GRIN3A: variants seen among roughly 807,000 people sequenced by gnomAD.
GRIN3A encodes the protein glutamate ionotropic receptor NMDA type subunit 3A.
In GRIN3A, 47 loss-of-function variants were observed where a neutral mutation model predicts 92.4. That is an observed-to-expected ratio of 0.51 (90% confidence interval 0.40 to 0.65). The LOEUF is 0.65. Among genes scored for constraint, GRIN3A ranks in the 30% least tolerant of loss-of-function variants. GRIN3A has a pLI of 0.00. For missense variants in GRIN3A, 1,324 were observed against 1,393.1 expected (o/e 0.95, Z 0.79); for synonymous variants, 527 against 540.6 (o/e 0.97, Z 0.35).
At chr9:101,724,458 G>A (rs1418134966) in intron 1 of GRIN3A, among the ~76,000 whole-genome samples, 3 of 152,222 alleles carry the variant, frequency 2.0e-5, no homozygotes, top group South Asian at 2.1e-4. Context: ...GCTGACCTGC[G>A]CGCGCAGCCC....
At chr9:101,673,188 C>T (rs11790837) in intron 2 of GRIN3A, among the ~76,000 whole-genome samples, 1 of 151,798 alleles carries the variant, frequency 6.6e-6, no homozygotes, top group Non-Finnish European at 1.5e-5. Flanking sequence ...TGAGAGAGTA[C>T]CTTTGACCAA....
chr9:101,644,418 T>C (rs1006334479), intron 3 of GRIN3A, among the ~76,000 whole-genome samples: 3 of 139,542 alleles, frequency 2.1e-5, no homozygotes, highest in African/African-American at 5.3e-5. Flanking sequence ...AAAGGTGGGA[T>C]CAGAACTTAG....
chr9:101,626,042 C>T (rs556952173), intron 4 of GRIN3A, among the ~76,000 whole-genome samples: 54 of 152,286 alleles, frequency 3.5e-4, no homozygotes, highest in African/African-American at 1.2e-3. Flanking sequence ...AAGCAGTCAG[C>T]TCTCAGACTC....
chr9:101,724,278 C>G (rs1830055022), intron 1 of GRIN3A, among the ~76,000 whole-genome samples: 2 of 152,228 alleles, frequency 1.3e-5, no homozygotes, highest in South Asian at 4.1e-4. Context: ...GCAGCTAAGG[C>G]CCGGCGAGAA....
intron 1 of GRIN3A, among the ~76,000 whole-genome samples, chr9:101,704,263 C>A (rs1829787551): frequency 6.6e-6 from 1 of 152,166 alleles, no homozygotes; most frequent in Admixed American, 6.5e-5. Context: ...TAAAATAGGG[C>A]TAGTCCATTC....
chr9:101,653,372 CT>C (rs1829037964), intron 3 of GRIN3A, among the ~76,000 whole-genome samples: 2 of 151,810 alleles, frequency 1.3e-5, no homozygotes, highest in Non-Finnish European at 2.9e-5. Context: ...ATGATGAACT[CT>C]AAAGTGACAA....
intron 3 of GRIN3A, among the ~76,000 whole-genome samples, chr9:101,657,470 A>C (rs765154584): frequency 1.7e-4 from 26 of 151,984 alleles, no homozygotes; most frequent in Admixed American, 6.6e-5. Context: ...ACAGTATTTC[A>C]ATGAACAGGG....
rs762297591 is a variant in GRIN3A at position 101,687,000 on chromosome 9, G to A, written c.900C>T (p.Asn300=). The change falls in exon 2 of 9, where the codon AAC becomes AAT. Residue 300 remains asparagine (N), a synonymous_variant. Coordinates refer to ENST00000361820, the MANE Select transcript of GRIN3A (RefSeq NM_133445.3). ...HLGSIINITA[N]LPSTQDLLSF... The stretch of plus-strand genomic sequence containing the variant: ...TCAAGAGGTCCTGGGTGGAGGGGAG[G>A]TTAGCGGTGATGTTGATGATAGAAC... 5.0e-6 allele frequency: 8 copies of A among 1,614,064 alleles called. No homozygotes were observed. The South Asian group carries it at 7.7e-5, about 16-fold the overall frequency.
intron 6 of GRIN3A, chr9:101,595,039 G>A: frequency 1.7e-6 from 2 of 1,209,156 alleles, no homozygotes; most frequent in South Asian, 1.5e-5. Flanking sequence ...GAGGGCTCCC[G>A]GGGGCCCTGG....
intron 1 of GRIN3A, among the ~76,000 whole-genome samples, chr9:101,723,919 A>G (rs565730557): frequency 6.6e-6 from 1 of 152,228 alleles, no homozygotes; most frequent in African/African-American, 2.4e-5. Flanking sequence ...GAGTAGCTAG[A>G]TACAGAGTGT....
At chr9:101,615,748 C>T (rs77121750) in intron 5 of GRIN3A, among the ~76,000 whole-genome samples, 3,617 of 152,204 alleles carry the variant, frequency 0.024, 126 homozygotes, top group African/African-American at 0.082. Context: ...CACAGTAGAG[C>T]CCAGTATGTC....
At chr9:101,732,609 G>A (rs191812581) in intron 1 of GRIN3A, among the ~76,000 whole-genome samples, 1 of 152,198 alleles carries the variant, frequency 6.6e-6, no homozygotes, top group East Asian at 1.9e-4. Flanking sequence ...AAATGAGGGA[G>A]AGGGTAAAGA....
At position 101,686,913 on chromosome 9, in the gene GRIN3A, G is replaced by A. The variant is rs151039408; in HGVS notation, c.987C>T (p.Gly329=). ...TCCGCCGGATACTTTCCATGTCGCA[G>A]CCAAACATCACCACTGTGGGTGTGC... is the stretch of plus-strand genomic sequence containing the variant. The part of the protein sequence containing the change: ...KNSTPTVVMF[G]CDMESIRRIF... The change falls in exon 2 of 9, where the codon GGC becomes GGT. Residue 329 remains glycine (G), a synonymous_variant. Transcript: ENST00000361820. 1.4e-5 allele frequency: 23 copies of A among 1,614,198 alleles called. No individual in the cohort carries two copies. The highest frequency in any genetic ancestry group is 1.8e-5 in the Non-Finnish European group (21 of 1,180,034).
At chr9:101,654,059 T>C (rs751575459) in intron 3 of GRIN3A, among the ~76,000 whole-genome samples, 8 of 151,866 alleles carry the variant, frequency 5.3e-5, no homozygotes, top group Admixed American at 6.6e-5. Context: ...ATATTTCACA[T>C]TGAATCCTCT....
chr9:101,719,462 T>G (rs1829985829), intron 1 of GRIN3A, among the ~76,000 whole-genome samples: 1 of 151,558 alleles, frequency 6.6e-6, no homozygotes, highest in African/African-American at 2.4e-5. Flanking sequence ...TAGGAGGCCA[T>G]TTAAATTTCA....
chr9:101,705,799 C>T lies in GRIN3A; in HGVS notation c.700-18599G>A, dbSNP rs575643218. ...GGATGCATGTTTATGGTGTGCCAGA[C>T]ACTGTCCTAAGTGCTTTACAATTAT... On this transcript the variant is annotated intron_variant, in intron 1 of 8. Transcript: ENST00000361820. 7.9e-5 allele frequency among the ~76,000 whole-genome samples: 12 copies of T among 152,336 alleles called. No homozygotes were observed. The South Asian group carries it at 2.3e-3, about 29-fold the overall frequency.
At chr9:101,718,557 A>G (rs1033933711) in intron 1 of GRIN3A, among the ~76,000 whole-genome samples, 7 of 152,228 alleles carry the variant, frequency 4.6e-5, no homozygotes, top group African/African-American at 1.7e-4. Flanking sequence ...ATGCTACGCT[A>G]AGCTGCTTAG....
At position 101,637,237 on chromosome 9, in the gene GRIN3A, C is replaced by T. The variant is rs557337952; in HGVS notation, c.2353-8836G>A. 4.6e-5 allele frequency among the ~76,000 whole-genome samples: 7 copies of T among 152,210 alleles called. No homozygotes were observed. The South Asian group carries it at 1.2e-3, about 27-fold the overall frequency. On this transcript the variant is annotated intron_variant, in intron 3 of 8. Coordinates refer to ENST00000361820, the MANE Select transcript of GRIN3A (RefSeq NM_133445.3). The stretch of plus-strand genomic sequence containing the variant: ...CCTCCCGAGTAGATGGGACTACAGG[C>T]GCCCTCCACCACGCCCAGCTAATTT...
chr9:101,698,537 A>G (rs1025640256), intron 1 of GRIN3A, among the ~76,000 whole-genome samples: 7 of 152,316 alleles, frequency 4.6e-5, no homozygotes, highest in Admixed American at 2.6e-4. Flanking sequence ...CCCCTAGGCT[A>G]CATAGTATAA....
Sources: allele counts gnomAD v4.1 joint callset (sites outside exome capture counted in the v4.1 genomes callset), GRCh38; gene constraint gnomAD v4.1.1; transcripts MANE v1.5; gene names NCBI Gene and HGNC (gene_info 2026-07-23, HGNC 2026-07-21).